The following EPB41L4A variants were observed in gnomAD, a reference collection of about 807,000 sequenced individuals.
EPB41L4A encodes the protein erythrocyte membrane protein band 4.1 like 4A, also known as band 4.1-like protein 4A.
Under a neutral mutation model 108.6 loss-of-function variants are expected in EPB41L4A, and 100 were observed. The observed-to-expected ratio is 0.92, with a 90% CI of 0.78 to 1.09. The LOEUF (loss-of-function observed/expected upper bound fraction) is 1.09. Among genes scored for constraint, EPB41L4A ranks in the 50% least tolerant of loss-of-function variants. EPB41L4A has a pLI of 0.00. For missense variants in EPB41L4A, 1,030 were observed against 842.7 expected (o/e 1.22, Z -2.75); for synonymous variants, 319 against 289.0 (o/e 1.10, Z -1.05).
At chr5:112,335,174 A>C (rs1756836460) in intron 1 of EPB41L4A, among the ~76,000 whole-genome samples, 1 of 152,074 alleles carries the variant, frequency 6.6e-6, no homozygotes, top group African/African-American at 2.4e-5. Flanking sequence ...AGAGTACAGG[A>C]GGGCAGGGGA....
chr5:112,249,363 A>AC (rs1580526657), intron 9 of EPB41L4A, among the ~76,000 whole-genome samples: 1 of 152,302 alleles, frequency 6.6e-6, no homozygotes, highest in East Asian at 1.9e-4. Context: ...CTTTCTTCTT[A>AC]ATTACTGATC....
intron 1 of EPB41L4A, among the ~76,000 whole-genome samples, chr5:112,327,867 G>C (rs1037793108): frequency 5.9e-5 from 9 of 152,208 alleles, no homozygotes. Flanking sequence ...TGGTTGTCCA[G>C]TCAAACCATT....
chr5:112,164,849 G>T lies in EPB41L4A; in HGVS notation c.*141C>A. Reference sequence around the variant, plus strand: ...AACATCTCAAAAAAAAAAAAAAAAAGAAGCAAAAGATAATGTATTTTCTCA... The same window carrying T: ...AACATCTCAAAAAAAAAAAAAAAAATAAGCAAAAGATAATGTATTTTCTCA... On this transcript the variant is annotated 3_prime_UTR_variant, in exon 23 of 23. Transcript: ENST00000261486. 755 of 595,326 alleles carry T rather than the reference G, an allele frequency of 1.3e-3. No individual in the cohort carries two copies. Among genetic ancestry groups the T allele is most frequent in the Non-Finnish European group, 1.7e-3 (694 of 401,712 alleles). 36.9% of individuals were successfully genotyped at this position (595,326 alleles called of 1,614,324 possible).
At chr5:112,314,927 A>G (rs1179185488) in intron 1 of EPB41L4A, among the ~76,000 whole-genome samples, 1 of 152,226 alleles carries the variant, frequency 6.6e-6, no homozygotes, top group Admixed American at 6.5e-5. Context: ...TAACATGCCC[A>G]AGGACTTTCT....
intron 1 of EPB41L4A, among the ~76,000 whole-genome samples, chr5:112,391,096 T>C (rs1197302745): frequency 1.3e-5 from 2 of 152,134 alleles, no homozygotes; most frequent in African/African-American, 4.8e-5. Context: ...CAAAGGTAGA[T>C]AAAACCACAA....
chr5:112,356,745 A>T (rs1398564453), intron 1 of EPB41L4A, among the ~76,000 whole-genome samples: 2 of 152,190 alleles, frequency 1.3e-5, no homozygotes, highest in African/African-American at 4.8e-5. Context: ...AATGGAAGTA[A>T]CAAATCTGAC....
At position 112,234,819 on chromosome 5, in the gene EPB41L4A, G is replaced by A; in HGVS notation, c.966-64C>T. On this transcript the variant is annotated intron_variant, in intron 11 of 22. Transcript: ENST00000261486. Reference sequence around the variant, plus strand: ...ACACAGCCACAAAATTAAACAACAGGTCATTCAGAACATCTGCCAAATATG... The same window carrying A: ...ACACAGCCACAAAATTAAACAACAGATCATTCAGAACATCTGCCAAATATG... 2.0e-6 allele frequency: 3 copies of A among 1,531,898 alleles called. No individual in the cohort carries two copies. The South Asian group carries it at 3.8e-5, about 19-fold the overall frequency. 94.9% of individuals were successfully genotyped at this position (1,531,898 alleles called of 1,614,324 possible). A position where few individuals can be genotyped will look rare whatever the true frequency, so the allele number is the denominator to read the frequency against.
At chr5:112,334,413 T>C (rs1756788244) in intron 1 of EPB41L4A, among the ~76,000 whole-genome samples, 1 of 152,162 alleles carries the variant, frequency 6.6e-6, no homozygotes, top group African/African-American at 2.4e-5. Flanking sequence ...CTTTTATATA[T>C]CTCAATAGGA....
chr5:112,191,042 A>T (rs1420717279), intron 17 of EPB41L4A, among the ~76,000 whole-genome samples: 1 of 152,194 alleles, frequency 6.6e-6, no homozygotes, highest in Non-Finnish European at 1.5e-5. Context: ...GTCATCTTAA[A>T]TATTATTAAA....
At chr5:112,326,158 A>T (rs187626028) in intron 1 of EPB41L4A, among the ~76,000 whole-genome samples, 1,852 of 152,148 alleles carry the variant, frequency 0.012, 46 homozygotes, top group African/African-American at 0.041. Context: ...TCTTAAAAAA[A>T]ATTTTTTTTA....
chr5:112,211,697 G>C (rs775625723), intron 12 of EPB41L4A, among the ~76,000 whole-genome samples: 5 of 152,138 alleles, frequency 3.3e-5, no homozygotes, highest in Non-Finnish European at 5.9e-5. Flanking sequence ...CACCCTCAAA[G>C]TTGGCAAGTT....
chr5:112,156,082 G>A (rs933476437), intron 12 of EPB41L4A, among the ~76,000 whole-genome samples: 2 of 151,828 alleles, frequency 1.3e-5, no homozygotes, highest in Admixed American at 6.6e-5. Flanking sequence ...TTTAATATCA[G>A]AAAATGTATT....
chr5:112,208,586 G>T lies in EPB41L4A; in HGVS notation c.1178+1306C>A, dbSNP rs898721021. ...CACTGGGGACCACTAGAGGAGGAGA[G>T]GGGGCAAGGGTTGAAAACTACCTAT... On this transcript the variant is annotated intron_variant, in intron 13 of 22. Coordinates refer to ENST00000261486, the MANE Select transcript of EPB41L4A (RefSeq NM_022140.5). 2.0e-5 allele frequency among the ~76,000 whole-genome samples: 3 copies of T among 152,048 alleles called. No homozygotes were observed. The East Asian group carries it at 5.8e-4, about 29-fold the overall frequency.
At chr5:112,271,381 C>T (rs1752254183) in intron 4 of EPB41L4A, among the ~76,000 whole-genome samples, 1 of 152,318 alleles carries the variant, frequency 6.6e-6, no homozygotes, top group Non-Finnish European at 1.5e-5. Flanking sequence ...TTATTGAACA[C>T]TTACATCTTT....
At chr5:112,250,448 T>C (rs1756948828) in intron 9 of EPB41L4A, among the ~76,000 whole-genome samples, 1 of 152,190 alleles carries the variant, frequency 6.6e-6, no homozygotes, top group Non-Finnish European at 1.5e-5. Context: ...TCCTAAAAAG[T>C]CAGTATTTCT....
chr5:112,211,215 AC>A (rs1466721788), intron 12 of EPB41L4A, among the ~76,000 whole-genome samples: 26 of 152,274 alleles, frequency 1.7e-4, no homozygotes, highest in African/African-American at 6.0e-4. Flanking sequence ...ACCACACACT[AC>A]TTCCACCTGT....
intron 1 of EPB41L4A, among the ~76,000 whole-genome samples, chr5:112,368,207 C>A (rs942539965): frequency 4.6e-5 from 7 of 152,110 alleles, no homozygotes; most frequent in African/African-American, 1.4e-4. Context: ...AAACAGATTG[C>A]CTTCTAATGC....
At chr5:112,359,402 T>C (rs368613487) in intron 1 of EPB41L4A, among the ~76,000 whole-genome samples, 6 of 152,324 alleles carry the variant, frequency 3.9e-5, no homozygotes, top group African/African-American at 1.4e-4. Context: ...ATATAGCTGA[T>C]TTCAAAAGCT....
intron 1 of EPB41L4A, among the ~76,000 whole-genome samples, chr5:112,317,588 AT>A (rs1192293465): frequency 6.6e-6 from 1 of 152,060 alleles, no homozygotes; most frequent in Admixed American, 6.5e-5. Context: ...TTAGTTTGTT[AT>A]TTTTCATTTG....
Sources: gnomAD v4.1 joint callset for allele counts (sites outside exome capture counted in the v4.1 genomes callset) on GRCh38, gnomAD v4.1.1 for gene constraint, MANE v1.5 for transcripts, NCBI Gene and HGNC (gene_info 2026-07-23, HGNC 2026-07-21) for gene names.